The following GMPS variants were observed in gnomAD, a reference collection of about 807,000 sequenced individuals.
The protein encoded by GMPS is guanosine monophosphate synthase, also known as GMP synthase [glutamine-hydrolyzing].
In GMPS, 15 loss-of-function variants were observed where a neutral mutation model predicts 77.9. The ratio of observed to expected loss-of-function variants is 0.19; its 90% CI spans 0.13 to 0.30. The LOEUF (loss-of-function observed/expected upper bound fraction) is 0.30. Among genes scored for constraint, GMPS ranks in the 10% least tolerant of loss-of-function variants. GMPS has a pLI of 1.00. For synonymous variants in GMPS, 224 were observed against 275.9 expected (o/e 0.81, Z 1.86); for missense variants, 590 against 838.8 (o/e 0.70, Z 3.66).
At chr3:155,927,869 G>A (rs1017403624) in intron 12 of GMPS, among the ~76,000 whole-genome samples, 1 of 151,936 alleles carries the variant, frequency 6.6e-6, no homozygotes, top group Non-Finnish European at 1.5e-5. Flanking sequence ...GTTCTTAACT[G>A]TTCCCTCATA....
At chr3:155,910,206 C>T (rs553991753) in intron 5 of GMPS, among the ~76,000 whole-genome samples, 3 of 152,014 alleles carry the variant, frequency 2.0e-5, no homozygotes, top group Admixed American at 6.6e-5. Context: ...AAGATCGCAC[C>T]GCTGCACTCC....
chr3:155,940,235 GCAGGCACAGAAT>G lies in GMPS; in HGVS notation c.*2546_*2557del, dbSNP rs1423152021. 1 of 200,602 alleles carries G rather than the reference GCAGGCACAGAAT, an allele frequency of 5.0e-6. No individual in the cohort carries two copies. 12.4% of individuals were successfully genotyped at this position (200,602 alleles called of 1,614,324 possible). ...AAAGCATTATTTATTCCTAAGATTGGCAGGCACAGAATCATTTTTAAGAACCAAATACCCAGT... is the reference window on the plus strand; with the variant it reads ...AAAGCATTATTTATTCCTAAGATTGGCATTTTTAAGAACCAAATACCCAGT... On this transcript the variant is annotated 3_prime_UTR_variant, in exon 16 of 16. Coordinates refer to ENST00000496455, the MANE Select transcript of GMPS (RefSeq NM_003875.3).
Position 155,925,349 on chromosome 3 carries a change from A to G in GMPS, c.1543A>G (p.Lys515Glu), listed in dbSNP as rs1755425405. 1 of 1,610,676 alleles carries G rather than the reference A, an allele frequency of 6.2e-7. No individual in the cohort carries two copies. ...HSLNAFLLPIKTVGVQGDCRS... is the reference protein window; with the variant it reads ...HSLNAFLLPIETVGVQGDCRS... ...ACTGAATGCCTTCTTGCTGCCAATT[A>G]AAACTGTAGGTGTGCAGGTGAGTTG... Residue 515 changes from lysine to glutamate, a missense_variant, in exon 12 of 16, where the codon AAA (lysine) becomes GAA (glutamate). Transcript: ENST00000496455.
intron 1 of GMPS, among the ~76,000 whole-genome samples, chr3:155,883,493 C>G (rs541549491): frequency 6.6e-6 from 1 of 152,138 alleles, no homozygotes; most frequent in East Asian, 1.9e-4. Flanking sequence ...AAATACAGCC[C>G]TTTGATTATC....
Position 155,939,047 on chromosome 3 carries a change from G to C in GMPS, c.*1355G>C, listed in dbSNP as rs1001611302. The C allele has an allele frequency of 4.6e-6, 1 of 218,122 alleles. No homozygotes were observed. The highest frequency in any genetic ancestry group is 9.2e-6 in the Non-Finnish European group (1 of 108,574). 13.5% of individuals were successfully genotyped at this position (218,122 alleles called of 1,614,324 possible). A position where few individuals can be genotyped will look rare whatever the true frequency, so the allele number is the denominator to read the frequency against. On this transcript the variant is annotated 3_prime_UTR_variant, in exon 16 of 16. Coordinates refer to ENST00000496455, the MANE Select transcript of GMPS (RefSeq NM_003875.3). ...TGTTAGACAAACAACAAAATGATGCGTGGCAGAAGTCATCTTTTTATTCTG... is the reference window on the plus strand; with the variant it reads ...TGTTAGACAAACAACAAAATGATGCCTGGCAGAAGTCATCTTTTTATTCTG...
intron 1 of GMPS, among the ~76,000 whole-genome samples, chr3:155,886,611 C>CTTTTTTTTTT (rs58367815): frequency 7.7e-5 from 6 of 78,050 alleles, no homozygotes; most frequent in African/African-American, 1.1e-4. Context: ...TTCCTGATGA[C>CTTTTTTTTTT]TTTTTTTTTT....
intron 11 of GMPS, among the ~76,000 whole-genome samples, chr3:155,924,954 C>G (rs763446280): frequency 6.6e-6 from 1 of 152,114 alleles, no homozygotes; most frequent in African/African-American, 2.4e-5. Flanking sequence ...TGGCAAAAAG[C>G]ATTAAGATAA....
intron 3 of GMPS, among the ~76,000 whole-genome samples, chr3:155,900,652 A>G (rs568036948): frequency 6.6e-6 from 1 of 152,246 alleles, no homozygotes; most frequent in East Asian, 1.9e-4. Flanking sequence ...ATAAGGCCAA[A>G]TTGTTCTGTC....
intron 1 of GMPS, among the ~76,000 whole-genome samples, chr3:155,891,246 A>ACT (rs1754454425): frequency 6.6e-6 from 1 of 152,224 alleles, no homozygotes; most frequent in African/African-American, 2.4e-5. Flanking sequence ...CAAGGCAGGA[A>ACT]CTCTGCCTGT....
At position 155,896,021 on chromosome 3, in the gene GMPS, T is replaced by G. The variant is rs536789311; in HGVS notation, c.210-1906T>G. ...TTTTTTTGTTTTTGTTTTTGTTTTTTTTTTTTGAGACGGAGTCTCGCTCTG... is the reference window on the plus strand; with the variant it reads ...TTTTTTTGTTTTTGTTTTTGTTTTTGTTTTTTGAGACGGAGTCTCGCTCTG... On this transcript the variant is annotated intron_variant, in intron 2 of 15. Coordinates refer to ENST00000496455, the MANE Select transcript of GMPS (RefSeq NM_003875.3). Among the ~76,000 whole-genome samples the G allele has an allele frequency of 2.4e-3, 368 of 151,888 alleles. 1 individual carries two copies. The highest frequency in any genetic ancestry group is 8.5e-3 in the African/African-American group (353 of 41,480).
intron 13 of GMPS, among the ~76,000 whole-genome samples, chr3:155,932,277 AAC>A (rs10548751): frequency 0.27 from 37,335 of 140,870 alleles, 4,650 homozygotes; most frequent in East Asian, 0.31. Flanking sequence ...CAAATAAAGT[AAC>A]ACACACACAC....
rs146979274 is a variant in GMPS at position 155,916,296 on chromosome 3, C to T, written c.1212+104C>T. On this transcript the variant is annotated intron_variant, in intron 9 of 15. Coordinates refer to ENST00000496455, the MANE Select transcript of GMPS (RefSeq NM_003875.3). ...TCACAGAATTGCATAACCATCACCA[C>T]ATCTAATTTTAGAACATTTTCCTTA... The T allele has an allele frequency of 2.3e-3, 1,736 of 747,924 alleles. 5 individuals are homozygous for T. Among genetic ancestry groups the T allele is most frequent in the Non-Finnish European group, 3.0e-3 (1,339 of 445,646 alleles). The allele number at this position is 747,924 out of a possible 1,614,324, so 46.3% of individuals were successfully genotyped here.
At chr3:155,871,205 C>A (rs1753897008) in intron 1 of GMPS, among the ~76,000 whole-genome samples, 1 of 152,052 alleles carries the variant, frequency 6.6e-6, no homozygotes, top group Admixed American at 6.6e-5. Flanking sequence ...AGCCCGCGAG[C>A]GCGGCGCGAG....
intron 5 of GMPS, among the ~76,000 whole-genome samples, chr3:155,906,493 C>T (rs1293194323): frequency 3.9e-5 from 6 of 152,066 alleles, no homozygotes; most frequent in Non-Finnish European, 8.8e-5. Context: ...CTTTGAAATA[C>T]GTTGAAAAAT....
At position 155,878,269 on chromosome 3, in the gene GMPS, T is replaced by C. The variant is rs563406525; in HGVS notation, c.27+7372T>C. 4.6e-5 allele frequency among the ~76,000 whole-genome samples: 7 copies of C among 152,366 alleles called. No individual in the cohort carries two copies. The East Asian group carries it at 1.3e-3, about 29-fold the overall frequency. On this transcript the variant is annotated intron_variant, in intron 1 of 15. Transcript: ENST00000496455. Reference sequence around the variant, plus strand: ...ATTTTGTGACTAGAATCTTAAAATATATGGTGTTTTGTGGCTTTCACTTAG... The same window carrying C: ...ATTTTGTGACTAGAATCTTAAAATACATGGTGTTTTGTGGCTTTCACTTAG...
intron 2 of GMPS, among the ~76,000 whole-genome samples, chr3:155,894,252 C>T (rs1754544234): frequency 6.6e-6 from 1 of 152,076 alleles, no homozygotes; most frequent in African/African-American, 2.4e-5. Flanking sequence ...GAGGCGGAGT[C>T]TCACTTGGTT....
chr3:155,880,647 A>G (rs1280227622), intron 1 of GMPS, among the ~76,000 whole-genome samples: 1 of 152,252 alleles, frequency 6.6e-6, no homozygotes. Context: ...AACAATAAAT[A>G]GAATCAGAAG....
At chr3:155,898,760 G>A (rs189472645) in intron 3 of GMPS, among the ~76,000 whole-genome samples, 105 of 152,264 alleles carry the variant, frequency 6.9e-4, no homozygotes, top group African/African-American at 2.4e-3. Flanking sequence ...TGAACTTTTG[G>A]CAGGAGTATC....
chr3:155,902,739 G>T (rs532891606), intron 3 of GMPS, among the ~76,000 whole-genome samples: 2 of 152,200 alleles, frequency 1.3e-5, no homozygotes, highest in African/African-American at 2.4e-5. Context: ...GCTAACATTG[G>T]TAGGTCTCTA....
Sources: allele counts gnomAD v4.1 joint callset (sites outside exome capture counted in the v4.1 genomes callset), GRCh38; gene constraint gnomAD v4.1.1; transcripts MANE v1.5; gene names NCBI Gene and HGNC (gene_info 2026-07-23, HGNC 2026-07-21).